The following HDAC9 variants were observed in gnomAD, a reference collection of about 807,000 sequenced individuals.
The protein encoded by HDAC9 is histone deacetylase 9.
In HDAC9, 41 loss-of-function variants were observed where a neutral mutation model predicts 139.4. That is an observed-to-expected ratio of 0.29 (90% confidence interval 0.23 to 0.38). The LOEUF (loss-of-function observed/expected upper bound fraction) is 0.38. Ranked by LOEUF, HDAC9 falls within the 10% of genes least tolerant of loss-of-function variation. The probability of loss-of-function intolerance (pLI) is 1.00; values close to 1 mark genes in which losing one functional copy is unlikely to be tolerated. For synonymous variants in HDAC9, 517 were observed against 476.2 expected, an observed-to-expected ratio of 1.09 and a Z score of -1.12; for missense variants, 1,147 against 1,297.0, an observed-to-expected ratio of 0.88 and a Z score of 1.78.
intron 2 of HDAC9, among the ~76,000 whole-genome samples, chr7:18,190,428 G>A (rs1246369812): frequency 6.6e-6 from 1 of 152,198 alleles, no homozygotes; most frequent in African/African-American, 2.4e-5. Context: ...TACATGCATA[G>A]ATGACTTGCC....
Position 18,563,918 on chromosome 7 carries a change from C to G in HDAC9, c.23-21363C>G, listed in dbSNP as rs182977723. On this transcript the variant is annotated intron_variant, in intron 2 of 25. Coordinates refer to ENST00000686413, the MANE Select transcript of HDAC9 (RefSeq NM_178425.4). Reference sequence around the variant, plus strand: ...TGCCACAATCTTGGCTGACTGCAACCCTGCTGTCCTAGGTTCAAGCAATTC... The same window carrying G: ...TGCCACAATCTTGGCTGACTGCAACGCTGCTGTCCTAGGTTCAAGCAATTC... Among the ~76,000 whole-genome samples, 519 of 151,194 alleles carry G rather than the reference C, an allele frequency of 3.4e-3. 4 individuals carry two copies. Among genetic ancestry groups the G allele is most frequent in the African/African-American group, 0.012 (494 of 41,060 alleles).
intron 2 of HDAC9, among the ~76,000 whole-genome samples, chr7:18,223,049 C>T (rs936576933): frequency 6.6e-6 from 1 of 151,902 alleles, no homozygotes; most frequent in Non-Finnish European, 1.5e-5. Flanking sequence ...CAGTTTTTGC[C>T]AGTCAGGTGA....
At chr7:18,916,994 A>G (rs1413383953) in intron 22 of HDAC9, among the ~76,000 whole-genome samples, 1 of 151,990 alleles carries the variant, frequency 6.6e-6, no homozygotes, top group East Asian at 1.9e-4. Flanking sequence ...AAGAGTCCAC[A>G]TTTTATTGAT....
At chr7:18,628,064 A>G (rs1036537813) in intron 6 of HDAC9, among the ~76,000 whole-genome samples, 1 of 152,236 alleles carries the variant, frequency 6.6e-6, no homozygotes, top group Non-Finnish European at 1.5e-5. Flanking sequence ...TCAAAAATAT[A>G]AATTCCCTCA....
intron 2 of HDAC9, among the ~76,000 whole-genome samples, chr7:18,164,001 GA>G (rs1385989268): frequency 6.6e-6 from 1 of 152,180 alleles, no homozygotes; most frequent in Non-Finnish European, 1.5e-5. Context: ...TATGAGGAGA[GA>G]AAAGGTGATG....
intron 1 of HDAC9, among the ~76,000 whole-genome samples, chr7:18,371,866 A>G (rs1363854178): frequency 6.6e-6 from 1 of 152,166 alleles, no homozygotes; most frequent in Non-Finnish European, 1.5e-5. Context: ...CAGACTTCAG[A>G]GATCTTTTGA....
At chr7:18,652,471 G>T (rs2129041594) in intron 11 of HDAC9, among the ~76,000 whole-genome samples, 1 of 151,900 alleles carries the variant, frequency 6.6e-6, no homozygotes, top group African/African-American at 2.4e-5. Flanking sequence ...TTTTAAAGAA[G>T]TATTCTAAGC....
chr7:18,956,892 C>T (rs1413498855), intron 24 of HDAC9, among the ~76,000 whole-genome samples: 1 of 152,132 alleles, frequency 6.6e-6, no homozygotes, highest in African/African-American at 2.4e-5. Context: ...AGAAGGGCCC[C>T]ATCCTTAGTG....
At chr7:18,525,018 C>A (rs1003705944) in intron 2 of HDAC9, among the ~76,000 whole-genome samples, 1 of 151,878 alleles carries the variant, frequency 6.6e-6, no homozygotes, top group African/African-American at 2.4e-5. Context: ...ACTTTAAAAT[C>A]ATTTTAAGAT....
At chr7:18,771,501 T>C (rs1173426078) in intron 16 of HDAC9, among the ~76,000 whole-genome samples, 1 of 152,084 alleles carries the variant, frequency 6.6e-6, no homozygotes, top group Non-Finnish European at 1.5e-5. Context: ...AGAATTAAAA[T>C]GTAAGCTCTC....
intron 22 of HDAC9, chr7:18,906,946 G>A (rs1011732427): frequency 6.6e-6 from 1 of 152,240 alleles, no homozygotes; most frequent in Admixed American, 6.5e-5. Flanking sequence ...AGAAACTCCT[G>A]TGCTGGAGGT....
chr7:18,450,431 A>G (rs1792709397), intron 1 of HDAC9, among the ~76,000 whole-genome samples: 1 of 152,212 alleles, frequency 6.6e-6, no homozygotes, highest in Non-Finnish European at 1.5e-5. Context: ...GGTGTCTCCA[A>G]AAAGGCTTTA....
At chr7:18,609,350 G>C (rs928966038) in intron 6 of HDAC9, among the ~76,000 whole-genome samples, 1 of 152,066 alleles carries the variant, frequency 6.6e-6, no homozygotes, top group Non-Finnish European at 1.5e-5. Flanking sequence ...AACTAATTTT[G>C]TTAACTAATT....
At chr7:18,166,410 A>ATTCATT (rs1368071557) in intron 2 of HDAC9, among the ~76,000 whole-genome samples, 1 of 152,194 alleles carries the variant, frequency 6.6e-6, no homozygotes, top group Non-Finnish European at 1.5e-5. Flanking sequence ...CTCGTATTCT[A>ATTCATT]TTCATTTTCT....
chr7:18,132,659 AAGAC>A (rs1486537192), intron 1 of HDAC9, among the ~76,000 whole-genome samples: 1 of 152,150 alleles, frequency 6.6e-6, no homozygotes, highest in African/African-American at 2.4e-5. Flanking sequence ...ATTTTCAAAA[AAGAC>A]AGCATGTTCC....
At chr7:18,473,574 C>A (rs558848776) in intron 1 of HDAC9, among the ~76,000 whole-genome samples, 3 of 152,288 alleles carry the variant, frequency 2.0e-5, no homozygotes, top group Admixed American at 2.0e-4. Flanking sequence ...ATTAAGACAA[C>A]CTATGACAAT....
intron 1 of HDAC9, among the ~76,000 whole-genome samples, chr7:18,158,541 C>A (rs1281264481): frequency 6.6e-6 from 1 of 152,186 alleles, no homozygotes; most frequent in Non-Finnish European, 1.5e-5. Flanking sequence ...GATCAGCCCT[C>A]CATTTGCCAG....
chr7:18,125,089 C>T (rs1420000321), intron 1 of HDAC9, among the ~76,000 whole-genome samples: 1 of 151,908 alleles, frequency 6.6e-6, no homozygotes, highest in Non-Finnish European at 1.5e-5. Flanking sequence ...TGATAAATAG[C>T]CAGATTTGAT....
intron 16 of HDAC9, among the ~76,000 whole-genome samples, chr7:18,792,201 G>A (rs1792372998): frequency 6.8e-6 from 1 of 146,250 alleles, no homozygotes. Flanking sequence ...GTGAATGTGT[G>A]TTGTTATTAT....
Sources: allele counts gnomAD v4.1 joint callset (sites outside exome capture counted in the v4.1 genomes callset), GRCh38; gene constraint gnomAD v4.1.1; transcripts MANE v1.5; gene names NCBI Gene and HGNC (gene_info 2026-07-23, HGNC 2026-07-21).